Variants in AHCYL1 observed in about 807,000 individuals in gnomAD.
AHCYL1 encodes the protein S-adenosylhomocysteine hydrolase-like protein 1.
In AHCYL1, 20 loss-of-function variants were observed where a neutral mutation model predicts 79.3. The ratio of observed to expected loss-of-function variants is 0.25; its 90% confidence interval spans 0.18 to 0.37. The LOEUF is 0.37. Among genes scored for constraint, AHCYL1 ranks in the 10% least tolerant of loss-of-function variants. The probability of loss-of-function intolerance (pLI) is 1.00; values close to 1 mark genes in which losing one functional copy is unlikely to be tolerated. For synonymous variants in AHCYL1, 223 were observed against 242.2 expected, an observed-to-expected ratio of 0.92 and a Z score of 0.74; for missense variants, 330 against 673.6, an observed-to-expected ratio of 0.49 and a Z score of 5.65.
intron 1 of AHCYL1, chr1:110,004,234 G>A: frequency 1.0e-6 from 1 of 985,536 alleles, no homozygotes; most frequent in Non-Finnish European, 1.2e-6. Flanking sequence ...GCTGAGATTA[G>A]TCAGCCTGCC....
chr1:110,001,117 A>G (rs1650286486), intron 1 of AHCYL1: 1 of 243,716 alleles, frequency 4.1e-6, no homozygotes, highest in Non-Finnish European at 6.6e-6. Context: ...GGTTTGTAAA[A>G]TATTTAGATC....
chr1:110,016,442 G>A lies in AHCYL1; in HGVS notation c.881G>A (p.Arg294Gln). The part of the protein sequence containing the change: ...KQKFDNLYCC[R>Q]ESILDGLKRT... ...AAGTTTGATAACTTGTACTGCTGCC[G>A]AGAATCCATTTTGGATGGGTAGGTT... is the stretch of plus-strand genomic sequence containing the variant. Residue 294 changes from arginine to glutamine, a missense_variant, in exon 8 of 17, where the codon CGA becomes CAA. Transcript: ENST00000369799. The A allele has an allele frequency of 6.2e-7, 1 of 1,613,884 alleles. No individual in the cohort carries two copies. The highest frequency in any genetic ancestry group is 8.5e-7 in the Non-Finnish European group (1 of 1,179,898).
At chr1:110,014,102 G>A (rs1409474882) in intron 5 of AHCYL1, among the ~76,000 whole-genome samples, 1 of 152,082 alleles carries the variant, frequency 6.6e-6, no homozygotes, top group Non-Finnish European at 1.5e-5. Context: ...CACCCAGCCG[G>A]ACCTCTCATC....
intron 1 of AHCYL1, among the ~76,000 whole-genome samples, chr1:109,989,998 C>G (rs1442501457): frequency 6.6e-6 from 1 of 152,220 alleles, no homozygotes; most frequent in Non-Finnish European, 1.5e-5. Context: ...GTGTAGTAAG[C>G]AGTTAATAAA....
intron 15 of AHCYL1, 37 bp from the exon 16 acceptor site, chr1:110,020,694 A>G: frequency 6.5e-7 from 1 of 1,549,022 alleles, no homozygotes. Context: ...GACATTTTGA[A>G]AAGGAGTCTG....
chr1:109,995,221 G>A (rs1326402921), intron 1 of AHCYL1, among the ~76,000 whole-genome samples: 1 of 152,180 alleles, frequency 6.6e-6, no homozygotes, highest in Non-Finnish European at 1.5e-5. Context: ...ATTAGGAGGG[G>A]ATGGTTGATG....
chr1:109,992,083 G>T (rs1406920372), intron 1 of AHCYL1, among the ~76,000 whole-genome samples: 1 of 151,854 alleles, frequency 6.6e-6, no homozygotes, highest in Non-Finnish European at 1.5e-5. Context: ...TCTGGGGGCG[G>T]GGGGAAGAAA....
chr1:110,020,903 G>GC (rs1475180288), intron 16 of AHCYL1, 52 bp downstream of exon 16: 1 of 1,583,670 alleles, frequency 6.3e-7, no homozygotes, highest in Non-Finnish European at 8.6e-7. Flanking sequence ...ATTAAACCAA[G>GC]CAGGCTAGCC....
At chr1:110,016,565 A>C in intron 8 of AHCYL1, 102 bp from the exon 9 acceptor site, 1 of 1,569,948 alleles carries the variant, frequency 6.4e-7, no homozygotes, top group Non-Finnish European at 8.7e-7. Context: ...ACCAGCTTCC[A>C]ATTGATATTC....
intron 1 of AHCYL1, among the ~76,000 whole-genome samples, chr1:109,992,027 G>A (rs543594791): frequency 3.9e-5 from 6 of 151,964 alleles, no homozygotes; most frequent in East Asian, 3.9e-4. Flanking sequence ...AAGACCTCAC[G>A]TCAAAGCTTT....
At chr1:110,019,022 C>T (rs529957058) in intron 13 of AHCYL1, 29 bp from the exon 14 acceptor site, 1 of 1,609,198 alleles carries the variant, frequency 6.2e-7, no homozygotes, top group African/African-American at 1.3e-5. Context: ...AGACAGAGCT[C>T]ATCCCAGGGC....
intron 14 of AHCYL1, 27 bp from the exon 15 acceptor site, chr1:110,019,521 C>T (rs556714164): frequency 1.3e-6 from 2 of 1,575,262 alleles, no homozygotes; most frequent in African/African-American, 1.4e-5. Flanking sequence ...TATTTTTGTG[C>T]TTTCTGGCCT....
chr1:109,995,725 T>G, intron 1 of AHCYL1: 1 of 982,268 alleles, frequency 1.0e-6, no homozygotes, highest in Non-Finnish European at 1.2e-6. Flanking sequence ...TAGAGGGTTT[T>G]TTCGCAATAA....
In AHCYL1 at chr1:110,017,645, A is replaced by C. The variant is rs1315296812; in HGVS notation, c.1052+62A>C. 5.9e-6 allele frequency: 9 copies of C among 1,514,498 alleles called. No homozygotes were observed. In the Admixed American group the frequency reaches 1.4e-4, roughly 23 times the overall value. 93.8% of individuals were successfully genotyped at this position (1,514,498 alleles called of 1,614,324 possible). Reference sequence around the variant, plus strand: ...AGGTGCTTTATGTTATTGAGAGTTCATAATTGAGTATATTAATCATTTTTG... The same window carrying C: ...AGGTGCTTTATGTTATTGAGAGTTCCTAATTGAGTATATTAATCATTTTTG... On this transcript the variant is annotated intron_variant, in intron 10 of 16. Coordinates refer to ENST00000369799, the MANE Select transcript of AHCYL1 (RefSeq NM_006621.7).
intron 1 of AHCYL1, among the ~76,000 whole-genome samples, chr1:109,994,310 TG>T (rs775100638): frequency 5.3e-5 from 8 of 152,326 alleles, no homozygotes; most frequent in Non-Finnish European, 8.8e-5. Flanking sequence ...TCGCCCAGGC[TG>T]GAGTGTGATG....
At chr1:109,997,265 T>C (rs1377261464) in intron 1 of AHCYL1, among the ~76,000 whole-genome samples, 1 of 152,182 alleles carries the variant, frequency 6.6e-6, no homozygotes, top group Non-Finnish European at 1.5e-5. Context: ...AGTAAAGTTA[T>C]AAAGATCATG....
At chr1:110,019,424 C>T in intron 14 of AHCYL1, 124 bp from the exon 15 acceptor site, 1 of 876,936 alleles carries the variant, frequency 1.1e-6, no homozygotes, top group Non-Finnish European at 1.8e-6. Flanking sequence ...AGGCAAAGTC[C>T]TAGGTACTGT....
chr1:110,020,845 A>G lies in AHCYL1; in HGVS notation c.1580A>G (p.Tyr527Cys). 6.2e-7 allele frequency: 1 copy of G among 1,612,522 alleles called. No individual in the cohort carries two copies. The highest frequency in any genetic ancestry group is 8.5e-7 in the Non-Finnish European group (1 of 1,179,466). Reference sequence around the variant, plus strand: ...AAAAATGGGCCATTCAAACCTAATTATTACAGGTAACCTGGGGAGAAGCAA... The same window carrying G: ...AAAAATGGGCCATTCAAACCTAATTGTTACAGGTAACCTGGGGAGAAGCAA... ...LNKNGPFKPN[Y>C]YRY The change falls in exon 16 of 17, where the codon TAT becomes TGT. Residue 527 changes from tyrosine to cysteine, a missense_variant. By Grantham distance (194) the Tyr-to-Cys change is radical. This residue lies in a region of AHCYL1 where 119 missense variants were observed against 293.3 expected (regional missense o/e 0.41). Transcript: ENST00000369799.
intron 3 of AHCYL1, 112 bp from the exon 4 acceptor site, chr1:110,012,250 A>G (rs1215513068): frequency 2.3e-6 from 2 of 876,986 alleles, no homozygotes; most frequent in Admixed American, 5.2e-5. Flanking sequence ...AAATAGGCTT[A>G]AAGTTTTTCT....
Sources: allele counts gnomAD v4.1 joint callset (sites outside exome capture counted in the v4.1 genomes callset), GRCh38; gene constraint gnomAD v4.1.1; regional missense constraint gnomAD v4.1.1; transcripts MANE v1.5; gene names NCBI Gene and HGNC (gene_info 2026-07-23, HGNC 2026-07-21).